ACACA: variants seen among roughly 807,000 people sequenced by gnomAD.
The protein encoded by ACACA is acetyl-CoA carboxylase 1.
Under a neutral mutation model 296.1 loss-of-function variants are expected in ACACA, and 103 were observed. That is an observed-to-expected ratio of 0.35 (90% CI 0.30 to 0.41). ACACA has a LOEUF of 0.41. Among genes scored for constraint, ACACA ranks in the 10% least tolerant of loss-of-function variants. The pLI is 1.00. For missense variants in ACACA, 1,554 were observed against 2,989.7 expected (o/e 0.52, Z 11.20); for synonymous variants, 953 against 1,038.6 (o/e 0.92, Z 1.58).
chr17:37,201,480 C>T (rs1003564463), intron 33 of ACACA, among the ~76,000 whole-genome samples: 2 of 151,048 alleles, frequency 1.3e-5, no homozygotes, highest in African/African-American at 4.9e-5. Context: ...AAGACAGCCA[C>T]TTATACGAGT....
chr17:37,377,699 AAAT>A (rs2050066010), intron 1 of ACACA, among the ~76,000 whole-genome samples: 4 of 144,514 alleles, frequency 2.8e-5, no homozygotes, highest in African/African-American at 5.2e-5. Context: ...ATAAATAAAT[AAAT>A]AAAAGTAAAG....
chr17:37,203,712 C>T (rs953397422), intron 33 of ACACA, among the ~76,000 whole-genome samples: 2 of 152,070 alleles, frequency 1.3e-5, no homozygotes, highest in Non-Finnish European at 2.9e-5. Context: ...CATTGCACTC[C>T]AGCCTGGGCA....
In ACACA at chr17:37,244,597, A is replaced by G. The variant is rs1199123257; in HGVS notation, c.2733T>C (p.Phe911=). 10 of 1,614,080 alleles carry G rather than the reference A, an allele frequency of 6.2e-6. No homozygotes were observed. Among genetic ancestry groups the G allele is most frequent in the Non-Finnish European group, 8.5e-6 (10 of 1,180,032 alleles). Residue 911 remains phenylalanine (F), a synonymous_variant, in exon 21 of 56, where the codon TTT becomes TTC. Transcript: ENST00000616317. ...MNGYCLPDPF[F]SSKVKDWVER... is the part of the protein sequence containing the mutation. ...GAGACGTGATACATACCTTGCTGCT[A>G]AAGAAAGGATCTGGAAGGCAGTATC...
intron 25 of ACACA, among the ~76,000 whole-genome samples, chr17:37,229,376 T>C (rs2079725932): frequency 6.6e-6 from 1 of 151,802 alleles, no homozygotes; most frequent in Admixed American, 6.6e-5. Context: ...CAATCTTGGC[T>C]CACTGCAAGC....
chr17:37,335,373 C>G (rs560290141), intron 2 of ACACA, among the ~76,000 whole-genome samples: 3 of 152,292 alleles, frequency 2.0e-5, no homozygotes, highest in African/African-American at 7.2e-5. Context: ...CCTCAAACCT[C>G]ACCTGTGTAA....
chr17:37,234,918 A>C (rs2080035710), intron 25 of ACACA, 57 bp downstream of exon 25: 1 of 1,605,648 alleles, frequency 6.2e-7, no homozygotes, highest in Admixed American at 1.7e-5. Context: ...CAAAAGGAAA[A>C]AAATACTTTT....
intron 2 of ACACA, among the ~76,000 whole-genome samples, chr17:37,332,349 C>T (rs563304648): frequency 6.6e-6 from 1 of 151,408 alleles, no homozygotes; most frequent in East Asian, 1.9e-4. Flanking sequence ...AATAAGAGCC[C>T]ACAACAATAA....
intron 45 of ACACA, among the ~76,000 whole-genome samples, chr17:37,148,113 A>G (rs2075889095): frequency 6.6e-6 from 1 of 151,750 alleles, no homozygotes; most frequent in Non-Finnish European, 1.5e-5. Flanking sequence ...ACCATTATCT[A>G]TGAGAACAGA....
At chr17:37,112,085 C>CTATCTATCTATCTAT (rs2074006135) in intron 51 of ACACA, among the ~76,000 whole-genome samples, 1 of 125,654 alleles carries the variant, frequency 8.0e-6, no homozygotes, top group African/African-American at 4.0e-5. Context: ...TATCTATCTA[C>CTATCTATCTATCTAT]CTCACCTATA....
chr17:37,197,031 A>G (rs2078032803), intron 35 of ACACA, among the ~76,000 whole-genome samples: 1 of 152,226 alleles, frequency 6.6e-6, no homozygotes, highest in Non-Finnish European at 1.5e-5. Context: ...ATGGAAACAG[A>G]GTCAACTCCC....
chr17:37,271,237 C>A (rs1208107822), intron 9 of ACACA, among the ~76,000 whole-genome samples: 3 of 152,158 alleles, frequency 2.0e-5, no homozygotes, highest in Non-Finnish European at 4.4e-5. Flanking sequence ...AGAATGGGTC[C>A]GGGCACAGTG....
At chr17:37,207,013 G>A (rs1159511322) in intron 31 of ACACA, 134 bp from the exon 32 acceptor site, 3 of 823,386 alleles carry the variant, frequency 3.6e-6, no homozygotes, top group Non-Finnish European at 6.0e-6. Context: ...AATCACCAGT[G>A]GCTAGAGGTG....
intron 45 of ACACA, among the ~76,000 whole-genome samples, chr17:37,144,739 C>A (rs991525353): frequency 6.6e-6 from 1 of 152,146 alleles, no homozygotes; most frequent in Non-Finnish European, 1.5e-5. Context: ...ATACCCATCA[C>A]ATAACTTCTT....
intron 19 of ACACA, among the ~76,000 whole-genome samples, chr17:37,246,020 C>G (rs2080680036): frequency 6.6e-6 from 1 of 152,166 alleles, no homozygotes. Context: ...TGTCTTTGTA[C>G]ATGCTATTCC....
chr17:37,380,657 G>A (rs1000319941), intron 1 of ACACA, among the ~76,000 whole-genome samples: 1 of 151,916 alleles, frequency 6.6e-6, no homozygotes, highest in Admixed American at 6.6e-5. Flanking sequence ...GAGTCCAGTG[G>A]TGCGATCTTG....
intron 1 of ACACA, among the ~76,000 whole-genome samples, chr17:37,351,194 G>A (rs2048885169): frequency 6.6e-6 from 1 of 152,132 alleles, no homozygotes; most frequent in Non-Finnish European, 1.5e-5. Flanking sequence ...GGGTGCGGTG[G>A]CTCACGCCTG....
At chr17:37,108,132 C>T (rs2073790369) in intron 52 of ACACA, among the ~76,000 whole-genome samples, 1 of 152,290 alleles carries the variant, frequency 6.6e-6, no homozygotes, top group African/African-American at 2.4e-5. Context: ...ATGCAAGACT[C>T]TGGGGCCTGG....
At chr17:37,390,179 C>T (rs1597785630) in intron 1 of ACACA, among the ~76,000 whole-genome samples, 13 of 43,298 alleles carry the variant, frequency 3.0e-4, no homozygotes, top group African/African-American at 3.9e-4. Context: ...TATATATACA[C>T]ACACACATTA....
At chr17:37,304,645 T>G (rs1376102057) in intron 3 of ACACA, among the ~76,000 whole-genome samples, 1 of 151,836 alleles carries the variant, frequency 6.6e-6, no homozygotes, top group Non-Finnish European at 1.5e-5. Flanking sequence ...AATACAAAAT[T>G]AGCTGGGCGT....
Sources: gnomAD v4.1 joint callset for allele counts (sites outside exome capture counted in the v4.1 genomes callset) on GRCh38, gnomAD v4.1.1 for gene constraint, MANE v1.5 for transcripts, NCBI Gene and HGNC (gene_info 2026-07-23, HGNC 2026-07-21) for gene names.